FZR1: variants seen among roughly 807,000 people sequenced by gnomAD.
The protein encoded by FZR1 is fizzy-related protein homolog.
A neutral mutation model predicts 63.6 loss-of-function variants in FZR1; 11 were observed. The observed-to-expected ratio is 0.17, with a 90% CI of 0.11 to 0.29. FZR1 has a LOEUF of 0.29. Ranked by LOEUF, FZR1 falls within the 10% of genes least tolerant of loss-of-function variation. The pLI is 1.00. For synonymous variants in FZR1, 328 were observed against 297.9 expected, an observed-to-expected ratio of 1.10 and a Z score of -1.04; for missense variants, 440 against 687.5, an observed-to-expected ratio of 0.64 and a Z score of 4.03.
Position 3,526,934 on chromosome 19 carries a change from C to T in FZR1, c.388-46C>T. On this transcript the variant is annotated intron_variant, in intron 5 of 13. Coordinates refer to ENST00000441788, the MANE Select transcript of FZR1 (RefSeq NM_016263.4). The surrounding 1 kb of genome is among the most constrained non-coding windows in gnomAD (Gnocchi z 5.4). ...GGGCTGCTGGGGGGCTCTGAGGGTCCTGCGGCCTGGGCGTGCGCTCAGCTG... is the reference window on the plus strand; with the variant it reads ...GGGCTGCTGGGGGGCTCTGAGGGTCTTGCGGCCTGGGCGTGCGCTCAGCTG... 1 of 1,392,530 alleles carries T rather than the reference C, an allele frequency of 7.2e-7. No homozygotes were observed. The highest frequency in any genetic ancestry group is 1.2e-5 in the South Asian group (1 of 86,708). The allele number at this position is 1,392,530 out of a possible 1,614,324, so 86.3% of individuals were successfully genotyped here.
In FZR1 at chr19:3,528,974, A is replaced by G. The variant is rs1432398690; in HGVS notation, c.654+1160A>G. ...CGGATGGGTGAGTGGATGGGAGAGC[A>G]GATGGTTGAGCGGATGGATGAGCAG... is the stretch of plus-strand genomic sequence containing the variant. On this transcript the variant is annotated intron_variant, in intron 7 of 13. Transcript: ENST00000441788. 1.3e-3 allele frequency among the ~76,000 whole-genome samples: 179 copies of G among 134,382 alleles called. 1 individual carries two copies. The highest frequency in any genetic ancestry group is 4.9e-3 in the African/African-American group (172 of 34,798). 88.2% of individuals were successfully genotyped at this position (134,382 alleles called of 152,430 possible). A position where few individuals can be genotyped will look rare whatever the true frequency, so the allele number is the denominator to read the frequency against.
intron 2 of FZR1, 97 bp downstream of exon 2, chr19:3,523,155 C>T: frequency 7.4e-6 from 6 of 815,912 alleles, no homozygotes; most frequent in South Asian, 5.4e-5. Flanking sequence ...TCACTAAAGC[C>T]CCACGGACCA....
intron 6 of FZR1, among the ~76,000 whole-genome samples, 191 bp downstream of exon 6, chr19:3,527,253 C>A (rs1435310634): frequency 3.9e-5 from 6 of 152,154 alleles, no homozygotes; most frequent in Non-Finnish European, 8.8e-5. Flanking sequence ...TGGAGGGGCC[C>A]CAGCCCCCCA....
chr19:3,531,782 G>A lies in FZR1; in HGVS notation c.789G>A (p.Lys263=). The change falls in exon 9 of 14, where the codon AAG becomes AAA. Residue 263 remains lysine (K), a synonymous_variant. Coordinates refer to ENST00000441788, the MANE Select transcript of FZR1 (RefSeq NM_016263.4). ...TCTGGGACGCAGCCGCAGGGAAGAAGCTGTCCATGTTGGAGGGCCACACGG... is the reference window on the plus strand; with the variant it reads ...TCTGGGACGCAGCCGCAGGGAAGAAACTGTCCATGTTGGAGGGCCACACGG... ...VQIWDAAAGK[K]LSMLEGHTAR... is the part of the protein sequence containing the mutation. The A allele has an allele frequency of 6.5e-7, 1 of 1,550,362 alleles. No homozygotes were observed.
At chr19:3,511,831 C>CT (rs904254431) in intron 1 of FZR1, among the ~76,000 whole-genome samples, 6 of 152,198 alleles carry the variant, frequency 3.9e-5, no homozygotes, top group Non-Finnish European at 8.8e-5. Context: ...GGGCCCCACC[C>CT]TTTTTTACTT....
chr19:3,522,929 T>G (rs2083116275), intron 1 of FZR1, 27 bp from the exon 2 acceptor site: 1 of 1,207,482 alleles, frequency 8.3e-7, no homozygotes, highest in Middle Eastern at 1.9e-4. Flanking sequence ...CCTGCCCCAC[T>G]CACCTCTCCT....
chr19:3,511,539 A>G (rs1252368082), intron 1 of FZR1, among the ~76,000 whole-genome samples: 5 of 152,044 alleles, frequency 3.3e-5, no homozygotes, highest in Non-Finnish European at 5.9e-5. Flanking sequence ...CCTGACCCCC[A>G]TCTCTATATT....
intron 7 of FZR1, among the ~76,000 whole-genome samples, chr19:3,529,697 T>TGAACGGATGGGAGAGCGGATGGGA (rs2083212435): frequency 2.0e-4 from 19 of 92,984 alleles, no homozygotes; most frequent in African/African-American, 1.3e-3. Context: ...AGTGGATGGT[T>TGAACGGATGGGAGAGCGGATGGGA]GAGCGGATGG....
chr19:3,511,817 G>T (rs937522601), intron 1 of FZR1, among the ~76,000 whole-genome samples: 18 of 152,344 alleles, frequency 1.2e-4, no homozygotes, highest in Admixed American at 1.1e-3. Context: ...CCTGCCAAGG[G>T]TCTGGGCCCC....
Position 3,523,020 on chromosome 19 carries a change from C to T in FZR1, c.31C>T (p.Arg11Cys), listed in dbSNP as rs745991748. MDQDYERRLL[R>C]QIVIQNENTM... ...CCAGGACTATGAGCGGCGCCTGCTT[C>T]GCCAGATCGTCATCCAGAATGAGAA... Residue 11 changes from arginine (R) to cysteine (C), a missense_variant, in exon 2 of 14, where the codon CGC becomes TGC. Physicochemically the swap from Arg to Cys is radical, Grantham distance 180 (BLOSUM62 -3). Around this residue, in one of 5 missense-constraint regions of FZR1, gnomAD observed 200 missense variants for 245.1 expected, o/e 0.82. Coordinates refer to ENST00000441788, the MANE Select transcript of FZR1 (RefSeq NM_016263.4). 2.7e-5 allele frequency: 43 copies of T among 1,611,654 alleles called. No individual in the cohort carries two copies. The highest frequency in any genetic ancestry group is 3.6e-5 in the Non-Finnish European group (42 of 1,178,968).
Position 3,532,441 on chromosome 19 carries a change from C to T in FZR1, c.1033C>T (p.Leu345=), listed in dbSNP as rs2083258074. 1 of 1,595,138 alleles carries T rather than the reference C, an allele frequency of 6.3e-7. No individual in the cohort carries two copies. Among genetic ancestry groups the T allele is most frequent in the Non-Finnish European group, 8.6e-7 (1 of 1,169,248 alleles). ...NKLLVWNHSS[L]SPVQQYTEHL... is the part of the protein sequence containing the mutation. ...GCTGCTGGTCTGGAATCACTCGAGC[C>T]TGAGCCCCGTGCAGCAGTACACGGA... The change falls in exon 11 of 14, where the codon CTG becomes TTG. Residue 345 remains leucine (L), a synonymous_variant. Coordinates refer to ENST00000441788, the MANE Select transcript of FZR1 (RefSeq NM_016263.4).
In FZR1 at chr19:3,507,964, G is replaced by C. The variant is rs370583805; in HGVS notation, c.-35+1490G>C. Reference sequence around the variant, plus strand: ...TGGGTTGCAGAGGGTTTTGCTAAGGGAGCAGACACTTACTCAAAGGCAAGC... The same window carrying C: ...TGGGTTGCAGAGGGTTTTGCTAAGGCAGCAGACACTTACTCAAAGGCAAGC... On this transcript the variant is annotated intron_variant, in intron 1 of 13. Coordinates refer to ENST00000441788, the MANE Select transcript of FZR1 (RefSeq NM_016263.4). Among the ~76,000 whole-genome samples the C allele has an allele frequency of 1.8e-4, 27 of 152,314 alleles. 2 individuals are homozygous for C. The East Asian group carries it at 2.9e-3, about 16-fold the overall frequency.
Position 3,529,832 on chromosome 19 carries a change from ATGGGTGAGCGGG to A in FZR1, c.655-919_655-908del, listed in dbSNP as rs1417106239. Among the ~76,000 whole-genome samples the A allele has an allele frequency of 7.6e-3, 505 of 66,224 alleles. 13 individuals are homozygous for A. The highest frequency in any genetic ancestry group is 9.8e-3 in the Non-Finnish European group (380 of 38,900). 43.4% of individuals were successfully genotyped at this position (66,224 alleles called of 152,430 possible). ...GATGGTTGAGTGGATGGGTGAGCGG[ATGGGTGAGCGGG>A]TGGGTGAGCGGGTGGGTGAGCGGGT... On this transcript the variant is annotated intron_variant, in intron 7 of 13. Coordinates refer to ENST00000441788, the MANE Select transcript of FZR1 (RefSeq NM_016263.4).
At chr19:3,528,658 GGAGAATGGATGA>G (rs1420991091) in intron 7 of FZR1, among the ~76,000 whole-genome samples, 8 of 150,082 alleles carry the variant, frequency 5.3e-5, no homozygotes, top group African/African-American at 1.0e-4. Flanking sequence ...AGAGTGGATG[GGAGAATGGATGA>G]GAGAGTGGAT....
intron 1 of FZR1, among the ~76,000 whole-genome samples, chr19:3,507,067 G>T (rs2122096498): frequency 6.6e-6 from 1 of 152,260 alleles, no homozygotes; most frequent in Admixed American, 6.5e-5. Context: ...GGTCACTGTT[G>T]TGTCCACCAG....
intron 1 of FZR1, among the ~76,000 whole-genome samples, chr19:3,519,346 G>A (rs776839460): frequency 6.6e-6 from 1 of 152,196 alleles, no homozygotes; most frequent in Non-Finnish European, 1.5e-5. Flanking sequence ...GTGGTGAGTC[G>A]CCTGCTGGCT....
chr19:3,531,000 G>A (rs775170877), intron 8 of FZR1, 143 bp downstream of exon 8: 21 of 623,842 alleles, frequency 3.4e-5, no homozygotes, highest in Non-Finnish European at 4.2e-5. Flanking sequence ...CACTGTCCCC[G>A]GCCTTAGTGT....
Position 3,526,921 on chromosome 19 carries a change from G to A in FZR1, c.388-59G>A. The A allele has an allele frequency of 8.5e-7, 1 of 1,181,592 alleles. No homozygotes were observed. The highest frequency in any genetic ancestry group is 1.3e-6 in the Non-Finnish European group (1 of 794,754). 73.2% of individuals were successfully genotyped at this position (1,181,592 alleles called of 1,614,324 possible). ...GTACCGGGAGCGTGGGCTGCTGGGG[G>A]GCTCTGAGGGTCCTGCGGCCTGGGC... On this transcript the variant is annotated intron_variant, in intron 5 of 13. Transcript: ENST00000441788. This position sits in a 1 kb window ranked among gnomAD's most constrained non-coding sequence, Gnocchi z 5.4.
Position 3,530,866 on chromosome 19 carries a change from A to G in FZR1, c.720+9A>G, listed in dbSNP as rs1599791579. ...TGGGCTGGTCTGAGCGGGTGAGTGC[A>G]GAGGGCTTGGCCCCCACCTGGGAGA... On this transcript the variant is annotated intron_variant, in intron 8 of 13. Coordinates refer to ENST00000441788, the MANE Select transcript of FZR1 (RefSeq NM_016263.4). 5.0e-6 allele frequency: 8 copies of G among 1,608,984 alleles called. No individual in the cohort carries two copies. The highest frequency in any genetic ancestry group is 6.8e-6 in the Non-Finnish European group (8 of 1,176,648).
Sources: allele counts gnomAD v4.1 joint callset (sites outside exome capture counted in the v4.1 genomes callset), GRCh38; gene constraint gnomAD v4.1.1; regional missense constraint gnomAD v4.1.1; non-coding constraint Gnocchi (gnomAD v3.1); transcripts MANE v1.5; gene names NCBI Gene and HGNC (gene_info 2026-07-23, HGNC 2026-07-21).